The following PTPRD variants were observed in gnomAD, a reference collection of about 807,000 sequenced individuals.
The protein encoded by PTPRD is receptor-type tyrosine-protein phosphatase delta.
A neutral mutation model predicts 214.5 loss-of-function variants in PTPRD; 34 were observed. That is an observed-to-expected ratio of 0.16 (90% CI 0.12 to 0.21). The LOEUF (loss-of-function observed/expected upper bound fraction) is 0.21. PTPRD is among the 10% of genes least tolerant of loss of function. The pLI is 1.00. For missense variants in PTPRD, 2,545 were observed against 2,398.7 expected, an observed-to-expected ratio of 1.06 and a Z score of -1.27; for synonymous variants, 1,128 against 845.7, an observed-to-expected ratio of 1.33 and a Z score of -5.79.
intron 5 of PTPRD, among the ~76,000 whole-genome samples, chr9:9,771,997 G>C (rs932785027): frequency 1.3e-5 from 2 of 151,966 alleles, no homozygotes; most frequent in Non-Finnish European, 2.9e-5. Flanking sequence ...TCAACATATT[G>C]GTGTTATGCG....
intron 14 of PTPRD, among the ~76,000 whole-genome samples, chr9:8,620,708 T>C (rs2095795090): frequency 6.6e-6 from 1 of 151,932 alleles, no homozygotes. Context: ...GTATTGTATG[T>C]TAAACAGTAA....
chr9:8,846,815 G>A (rs1485901777), intron 11 of PTPRD, among the ~76,000 whole-genome samples: 1 of 152,138 alleles, frequency 6.6e-6, no homozygotes, highest in African/African-American at 2.4e-5. Flanking sequence ...TCAAAGGCCA[G>A]GTGCCTTTTG....
rs568255454 is a variant in PTPRD, at chr9:9,802,092, G to A, written c.-367-35241C>T. ...CAATTGCTTAATTGCGACTCAAGTT[G>A]CTTAAGGTTTATTAGAATATTGTGT... On this transcript the variant is annotated intron_variant, in intron 5 of 45. Coordinates refer to ENST00000381196, the MANE Select transcript of PTPRD (RefSeq NM_002839.4). Among the ~76,000 whole-genome samples the A allele has an allele frequency of 6.6e-5, 10 of 152,126 alleles. No individual in the cohort carries two copies. In the South Asian group the frequency reaches 1.7e-3, roughly 25 times the overall value.
intron 31 of PTPRD, among the ~76,000 whole-genome samples, chr9:8,467,214 T>C (rs749810267): frequency 2.0e-5 from 3 of 151,858 alleles, no homozygotes; most frequent in Non-Finnish European, 4.4e-5. Flanking sequence ...CCACGGTAGA[T>C]TGGGCATCAC....
intron 3 of PTPRD, among the ~76,000 whole-genome samples, chr9:10,119,196 A>AC (rs995517522): frequency 6.6e-6 from 1 of 151,664 alleles, no homozygotes; most frequent in South Asian, 2.1e-4. Context: ...CACAGAGCTA[A>AC]CCCCCCCTTT....
At chr9:8,463,245 T>C (rs10511495) in intron 32 of PTPRD, among the ~76,000 whole-genome samples, 4,861 of 149,120 alleles carry the variant, frequency 0.033, 275 homozygotes, top group African/African-American at 0.11. Flanking sequence ...GATTTGCAGA[T>C]TTTCTAACGC....
chr9:8,417,373 T>C (rs2094015864), intron 35 of PTPRD, among the ~76,000 whole-genome samples: 1 of 152,172 alleles, frequency 6.6e-6, no homozygotes, highest in South Asian at 2.1e-4. Context: ...TGCACATTCA[T>C]TCCTTAGAAC....
At chr9:9,619,087 G>C (rs192602691) in intron 7 of PTPRD, among the ~76,000 whole-genome samples, 1 of 152,274 alleles carries the variant, frequency 6.6e-6, no homozygotes, top group African/African-American at 2.4e-5. Flanking sequence ...TCATTGACTA[G>C]AATAGTGGAC....
At chr9:9,367,269 T>G (rs1350463018) in intron 9 of PTPRD, among the ~76,000 whole-genome samples, 2 of 151,466 alleles carry the variant, frequency 1.3e-5, no homozygotes, top group Non-Finnish European at 3.0e-5. Context: ...AGAAGTTAAC[T>G]GGAAGGAAAA....
At position 9,333,515 on chromosome 9, in the gene PTPRD, TATATATATATAA is replaced by T. The variant is rs1039597889; in HGVS notation, c.-203+63922_-203+63933del. Among the ~76,000 whole-genome samples, 529 of 146,128 alleles carry T rather than the reference TATATATATATAA, an allele frequency of 3.6e-3. 7 individuals are homozygous for T. The highest frequency in any genetic ancestry group is 0.013 in the African/African-American group (510 of 39,448). On this transcript the variant is annotated intron_variant, in intron 9 of 45. Transcript: ENST00000381196. The stretch of plus-strand genomic sequence containing the variant: ...TATTATATAGTATATTATATATATA[TATATATATATAA>T]AGTCTGCAATGCAATCACAAGTGGC...
At position 8,633,437 on chromosome 9, in the gene PTPRD, A is replaced by T; in HGVS notation, c.232T>A (p.Ser78Thr). 6.2e-7 allele frequency: 1 copy of T among 1,612,378 alleles called. No individual in the cohort carries two copies. Among genetic ancestry groups the T allele is most frequent in the Non-Finnish European group, 8.5e-7 (1 of 1,178,944 alleles). Residue 78 changes from serine (S) to threonine (T), a missense_variant, in exon 14 of 46, where the codon TCT becomes ACT. Coordinates refer to ENST00000381196, the MANE Select transcript of PTPRD (RefSeq NM_002839.4). ...GGTTGTATTCTGAGAACTGATCCAGACCCATCGTCAAACTCTATTACCTAT... is the reference window on the plus strand; with the variant it reads ...GGTTGTATTCTGAGAACTGATCCAGTCCCATCGTCAAACTCTATTACCTAT... Reference protein sequence around the residue: ...RFEVIEFDDGSGSVLRIQPLR... With the variant: ...RFEVIEFDDGTGSVLRIQPLR...
At chr9:10,534,784 C>A (rs117139570) in intron 2 of PTPRD, among the ~76,000 whole-genome samples, 4,460 of 152,212 alleles carry the variant, frequency 0.029, 108 homozygotes, top group East Asian at 0.095. Flanking sequence ...TTGAGAGGCA[C>A]CATTTCATTT....
At chr9:9,938,927 A>G (rs1217692414) in intron 4 of PTPRD, among the ~76,000 whole-genome samples, 1 of 152,108 alleles carries the variant, frequency 6.6e-6, no homozygotes, top group Non-Finnish European at 1.5e-5. Context: ...CATTTTCCAT[A>G]TAGTGTCCTT....
chr9:9,877,318 T>C (rs1037967823), intron 5 of PTPRD, among the ~76,000 whole-genome samples: 4 of 152,132 alleles, frequency 2.6e-5, no homozygotes, highest in African/African-American at 9.7e-5. Flanking sequence ...AAATATACTC[T>C]TTTCCTCCAC....
intron 7 of PTPRD, among the ~76,000 whole-genome samples, chr9:9,581,773 A>T (rs1592149196): frequency 6.6e-6 from 1 of 152,152 alleles, no homozygotes. Flanking sequence ...AAGTGGTGAG[A>T]CTAGCAAACT....
intron 9 of PTPRD, among the ~76,000 whole-genome samples, chr9:9,260,425 T>G (rs2099979584): frequency 6.6e-6 from 1 of 151,926 alleles, no homozygotes; most frequent in Admixed American, 6.6e-5. Flanking sequence ...TCTTTTACCT[T>G]TGCTTGAGGG....
chr9:9,769,883 G>C (rs1347971757), intron 5 of PTPRD, among the ~76,000 whole-genome samples: 1 of 152,034 alleles, frequency 6.6e-6, no homozygotes, highest in Non-Finnish European at 1.5e-5. Context: ...TCCTGTATTA[G>C]TTTTCTGAGA....
At chr9:8,831,942 G>A (rs1352752486) in intron 11 of PTPRD, among the ~76,000 whole-genome samples, 3 of 152,032 alleles carry the variant, frequency 2.0e-5, no homozygotes, top group African/African-American at 7.2e-5. Context: ...GGTACAAGTT[G>A]TAATTTACTT....
intron 10 of PTPRD, among the ~76,000 whole-genome samples, chr9:9,078,319 G>A (rs915776365): frequency 6.6e-6 from 1 of 151,920 alleles, no homozygotes. Context: ...AAAAATCATG[G>A]CCCATCCTTA....
Sources: gnomAD v4.1 joint callset for allele counts (sites outside exome capture counted in the v4.1 genomes callset) on GRCh38, gnomAD v4.1.1 for gene constraint, MANE v1.5 for transcripts, NCBI Gene and HGNC (gene_info 2026-07-23, HGNC 2026-07-21) for gene names.